The following SMAP1 variants were observed in gnomAD, a reference collection of about 807,000 sequenced individuals.
SMAP1 encodes the protein stromal membrane-associated protein 1.
SMAP1 carries 24 observed loss-of-function variants against 58.5 expected under a neutral mutation model. The observed-to-expected ratio is 0.41, with a 90% CI of 0.30 to 0.58. SMAP1 has a LOEUF of 0.58. SMAP1 is among the 20% of genes least tolerant of loss of function. SMAP1 has a pLI of 0.29. For missense variants in SMAP1, 563 were observed against 566.3 expected, an observed-to-expected ratio of 0.99 and a Z score of 0.06; for synonymous variants, 216 against 196.6, an observed-to-expected ratio of 1.10 and a Z score of -0.82.
At chr6:70,847,735 A>G (rs1771044854) in intron 7 of SMAP1, among the ~76,000 whole-genome samples, 1 of 151,994 alleles carries the variant, frequency 6.6e-6, no homozygotes, top group Non-Finnish European at 1.5e-5. Flanking sequence ...TCTGCATACT[A>G]ATTAAAGGGG....
chr6:70,758,096 A>G (rs1279121671), intron 3 of SMAP1, among the ~76,000 whole-genome samples: 2 of 151,610 alleles, frequency 1.3e-5, no homozygotes, highest in Non-Finnish European at 2.9e-5. Flanking sequence ...CATTATTCAC[A>G]ATAGCAAAGA....
At chr6:70,711,355 G>A (rs1215863597) in intron 1 of SMAP1, among the ~76,000 whole-genome samples, 1 of 152,078 alleles carries the variant, frequency 6.6e-6, no homozygotes, top group Non-Finnish European at 1.5e-5. Context: ...AACTGTTACT[G>A]TAAATGTGGT....
At chr6:70,820,351 ACT>A (rs1392147396) in intron 6 of SMAP1, among the ~76,000 whole-genome samples, 4 of 152,028 alleles carry the variant, frequency 2.6e-5, no homozygotes, top group African/African-American at 9.7e-5. Flanking sequence ...AGAAAAGGAA[ACT>A]CTTTAATTTG....
chr6:70,851,751 TAC>T (rs1178966226), intron 7 of SMAP1, among the ~76,000 whole-genome samples: 1 of 152,194 alleles, frequency 6.6e-6, no homozygotes, highest in Non-Finnish European at 1.5e-5. Flanking sequence ...TTCTTGAAAT[TAC>T]AGTTTTAAAA....
intron 6 of SMAP1, among the ~76,000 whole-genome samples, chr6:70,822,149 G>A (rs892205783): frequency 3.3e-5 from 5 of 152,070 alleles, no homozygotes; most frequent in African/African-American, 1.2e-4. Flanking sequence ...TTGATAGAGG[G>A]TAGTTTTACT....
chr6:70,808,101 GTTGAC>G (rs768049576), intron 6 of SMAP1, among the ~76,000 whole-genome samples: 2 of 152,146 alleles, frequency 1.3e-5, no homozygotes, highest in African/African-American at 2.4e-5. Flanking sequence ...TCGTCTTCAT[GTTGAC>G]TTGACTGAGG....
intron 1 of SMAP1, among the ~76,000 whole-genome samples, chr6:70,687,456 T>G (rs1286854968): frequency 6.6e-6 from 1 of 152,158 alleles, no homozygotes; most frequent in Non-Finnish European, 1.5e-5. Flanking sequence ...TTTTTCTCAA[T>G]GTAGGGCATT....
intron 2 of SMAP1, among the ~76,000 whole-genome samples, 164 bp from the exon 3 acceptor site, chr6:70,754,814 TGA>T (rs1297971000): frequency 1.3e-5 from 2 of 152,102 alleles, no homozygotes; most frequent in Admixed American, 1.3e-4. Context: ...TGTTTTAACT[TGA>T]GTGATTAATT....
intron 1 of SMAP1, chr6:70,668,536 G>A: frequency 6.6e-7 from 1 of 1,525,206 alleles, no homozygotes. Context: ...AGCTATCTCT[G>A]TGGGTGGGGC....
At chr6:70,676,201 A>G (rs1766475766) in intron 1 of SMAP1, among the ~76,000 whole-genome samples, 1 of 152,212 alleles carries the variant, frequency 6.6e-6, no homozygotes, top group Non-Finnish European at 1.5e-5. Flanking sequence ...ATAAATCATA[A>G]CGATGAGTAC....
Position 70,796,236 on chromosome 6 carries a change from C to T in SMAP1, c.496-2421C>T, listed in dbSNP as rs1273612652. ...CAAAACAGTGCCTGGCACATAGTAA[C>T]GGTTCAGAAAGTATTAGCTGTTACT... On this transcript the variant is annotated intron_variant, in intron 5 of 10. Transcript: ENST00000370455. Among the ~76,000 whole-genome samples, 4 of 152,124 alleles carry T rather than the reference C, an allele frequency of 2.6e-5. 1 individual carries two copies. Among genetic ancestry groups the T allele is most frequent in the South Asian group, 4.1e-4 (2 of 4,826 alleles).
chr6:70,690,629 G>A (rs1007846623), intron 1 of SMAP1, among the ~76,000 whole-genome samples: 1 of 151,292 alleles, frequency 6.6e-6, no homozygotes, highest in Admixed American at 6.6e-5. Flanking sequence ...GAACTACATT[G>A]ATTTTCACAC....
chr6:70,802,554 TG>T (rs1768910199), intron 6 of SMAP1, among the ~76,000 whole-genome samples: 1 of 152,016 alleles, frequency 6.6e-6, no homozygotes. Flanking sequence ...TGAATAGGAG[TG>T]GTGAGAGAGG....
chr6:70,810,190 A>G (rs1769326382), intron 6 of SMAP1, among the ~76,000 whole-genome samples: 1 of 151,974 alleles, frequency 6.6e-6, no homozygotes, highest in Non-Finnish European at 1.5e-5. Context: ...TTTTCTTGAG[A>G]TAGGGTCTTT....
At chr6:70,823,316 C>T (rs1267457446) in intron 6 of SMAP1, among the ~76,000 whole-genome samples, 11 of 152,036 alleles carry the variant, frequency 7.2e-5, no homozygotes. Context: ...CTTTAATGAG[C>T]CTGTGCCCCT....
intron 3 of SMAP1, among the ~76,000 whole-genome samples, chr6:70,769,198 G>A (rs1266388563): frequency 6.6e-6 from 1 of 152,134 alleles, no homozygotes; most frequent in African/African-American, 2.4e-5. Flanking sequence ...GAATAGGTGT[G>A]GTGTGGTGCT....
At chr6:70,705,274 CAG>C (rs987124712) in intron 1 of SMAP1, among the ~76,000 whole-genome samples, 1 of 145,672 alleles carries the variant, frequency 6.9e-6, no homozygotes, top group Non-Finnish European at 1.5e-5. Context: ...TTTTTTAAGA[CAG>C]AGTCTTGCTC....
At chr6:70,840,543 C>T (rs1420635786) in intron 7 of SMAP1, among the ~76,000 whole-genome samples, 2 of 152,180 alleles carry the variant, frequency 1.3e-5, no homozygotes, top group African/African-American at 4.8e-5. Context: ...TAGCCATAAA[C>T]AAACATGTAA....
chr6:70,786,529 T>G (rs1409002222), intron 4 of SMAP1, among the ~76,000 whole-genome samples: 1 of 148,556 alleles, frequency 6.7e-6, no homozygotes, highest in Non-Finnish European at 1.5e-5. Flanking sequence ...TGTTTGCAGA[T>G]GACATGATTG....
Sources: gnomAD v4.1 joint callset for allele counts (sites outside exome capture counted in the v4.1 genomes callset) on GRCh38, gnomAD v4.1.1 for gene constraint, MANE v1.5 for transcripts, NCBI Gene and HGNC (gene_info 2026-07-23, HGNC 2026-07-21) for gene names.